SIL1: variants seen among roughly 807,000 people sequenced by gnomAD.
The protein encoded by SIL1 is SIL1 nucleotide exchange factor.
In SIL1, 40 loss-of-function variants were observed where a neutral mutation model predicts 49.1. The observed-to-expected ratio is 0.81, with a 90% CI of 0.63 to 1.06. The LOEUF is 1.06. Among genes scored for constraint, SIL1 ranks in the 50% least tolerant of loss-of-function variants. The pLI, the probability that SIL1 is intolerant of heterozygous loss-of-function variation, is 0.00. For missense variants in SIL1, 500 were observed against 572.6 expected, an observed-to-expected ratio of 0.87 and a Z score of 1.29; for synonymous variants, 253 against 250.8, an observed-to-expected ratio of 1.01 and a Z score of -0.08.
chr5:138,969,264 C>T (rs1767218100), intron 7 of SIL1, among the ~76,000 whole-genome samples: 1 of 152,148 alleles, frequency 6.6e-6, no homozygotes, highest in Non-Finnish European at 1.5e-5. Context: ...TAGGATTAGG[C>T]ACCGCCTGCC....
chr5:138,977,160 A>C (rs2150396621), intron 7 of SIL1, among the ~76,000 whole-genome samples: 1 of 152,338 alleles, frequency 6.6e-6, no homozygotes, highest in South Asian at 2.1e-4. Context: ...GCAATTGAAA[A>C]TCAGGCAGAC....
chr5:139,121,035 C>G lies in SIL1; in HGVS notation c.244G>C (p.Gly82Arg). 6.2e-7 allele frequency: 1 copy of G among 1,614,000 alleles called. No homozygotes were observed. The highest frequency in any genetic ancestry group is 8.5e-7 in the Non-Finnish European group (1 of 1,180,028). Residue 82 changes from glycine to arginine, a missense_variant and splice_region_variant, in exon 3 of 10, where the codon GGG (glycine) becomes CGG (arginine). By Grantham distance (125) the Gly-to-Arg change is moderately radical. Transcript: ENST00000394817. Reference sequence around the variant, plus strand: ...GTGGGGACAGGGCTGGGCCTGATACCTGGCTGAAGGGCCTGCCACTCATGC... The same window carrying G: ...GTGGGGACAGGGCTGGGCCTGATACGTGGCTGAAGGGCCTGCCACTCATGC... Reference protein sequence around the residue: ...PTHEWQALQPGQAVPAGSHVR... With the variant: ...PTHEWQALQPRQAVPAGSHVR...
intron 9 of SIL1, among the ~76,000 whole-genome samples, chr5:138,949,024 G>A (rs770688827): frequency 2.0e-5 from 3 of 152,166 alleles, no homozygotes; most frequent in Non-Finnish European, 2.9e-5. Context: ...ATCCAGTCCC[G>A]GGTATTCTGT....
At position 138,970,402 on chromosome 5, in the gene SIL1, T is replaced by C. The variant is rs1767243884; in HGVS notation, c.768-18518A>G. Reference sequence around the variant, plus strand: ...CATTAGCTATTTGGAAGCAAACAGATCAGTTGGAAGTTGTTTTGTATTAGT... The same window carrying C: ...CATTAGCTATTTGGAAGCAAACAGACCAGTTGGAAGTTGTTTTGTATTAGT... On this transcript the variant is annotated intron_variant, in intron 7 of 9. Coordinates refer to ENST00000394817, the MANE Select transcript of SIL1 (RefSeq NM_022464.5). Among the ~76,000 whole-genome samples the C allele has an allele frequency of 2.0e-5, 3 of 152,292 alleles. 1 individual carries two copies. In the South Asian group the frequency reaches 6.2e-4, roughly 32 times the overall value.
At chr5:139,061,859 T>G (rs1340327780) in intron 3 of SIL1, among the ~76,000 whole-genome samples, 3 of 152,142 alleles carry the variant, frequency 2.0e-5, no homozygotes, top group African/African-American at 7.2e-5. Context: ...CAAGCTCAGC[T>G]CAAGGCACAC....
intron 5 of SIL1, among the ~76,000 whole-genome samples, chr5:139,031,869 G>A (rs1354477908): frequency 6.6e-6 from 1 of 152,010 alleles, no homozygotes; most frequent in Non-Finnish European, 1.5e-5. Flanking sequence ...TCATTTTTAG[G>A]GGAGCAACTG....
At chr5:139,153,363 A>G (rs1335044788) in intron 1 of SIL1, among the ~76,000 whole-genome samples, 2 of 152,174 alleles carry the variant, frequency 1.3e-5, no homozygotes, top group African/African-American at 4.8e-5. Flanking sequence ...TCATAGCATT[A>G]TTATACTTTC....
chr5:139,120,958 G>A, intron 3 of SIL1, 77 bp downstream of exon 3: 2 of 1,571,358 alleles, frequency 1.3e-6, no homozygotes, highest in East Asian at 4.5e-5. Context: ...GCCTGAAGGA[G>A]CAGCCCTCTG....
At position 139,036,452 on chromosome 5, in the gene SIL1, C is replaced by T. The variant is rs116977594; in HGVS notation, c.453+6168G>A. Among the ~76,000 whole-genome samples, 222 of 152,234 alleles carry T rather than the reference C, an allele frequency of 1.5e-3. No individual in the cohort carries two copies. In the East Asian group the frequency reaches 0.04, roughly 27 times the overall value. The stretch of plus-strand genomic sequence containing the variant: ...GTCAGATTTGTCAAAATAGCAAACA[C>T]ATGGAATCAACCTAAATGCCCATCA... On this transcript the variant is annotated intron_variant, in intron 5 of 9. Coordinates refer to ENST00000394817, the MANE Select transcript of SIL1 (RefSeq NM_022464.5).
At chr5:139,182,301 G>C (rs1752004701) in intron 1 of SIL1, among the ~76,000 whole-genome samples, 2 of 152,276 alleles carry the variant, frequency 1.3e-5, no homozygotes, top group African/African-American at 2.4e-5. Context: ...GAATGAGCAG[G>C]GCGAGTCATC....
chr5:138,959,928 C>T (rs952898885), intron 7 of SIL1, among the ~76,000 whole-genome samples: 1 of 152,232 alleles, frequency 6.6e-6, no homozygotes, highest in Middle Eastern at 3.2e-3. Flanking sequence ...TTCTGATGAG[C>T]CAGGGGGTCC....
intron 3 of SIL1, among the ~76,000 whole-genome samples, chr5:139,084,528 G>A (rs1161424411): frequency 7.6e-5 from 8 of 105,752 alleles, no homozygotes; most frequent in South Asian, 3.9e-4. Context: ...GTAAACTATC[G>A]CAAGAACAAA....
intron 3 of SIL1, among the ~76,000 whole-genome samples, chr5:139,084,550 C>T (rs1309663232): frequency 1.9e-4 from 21 of 112,776 alleles, no homozygotes; most frequent in Admixed American, 2.9e-4. Context: ...AACCAAACAC[C>T]GCATATTCTC....
At chr5:139,081,735 C>G (rs1733611992) in intron 3 of SIL1, among the ~76,000 whole-genome samples, 1 of 152,016 alleles carries the variant, frequency 6.6e-6, no homozygotes, top group Admixed American at 6.6e-5. Context: ...AAAAATTGGC[C>G]AGGCACGGTG....
At chr5:139,195,309 TCCTATGTC>T (rs543991131) in intron 1 of SIL1, among the ~76,000 whole-genome samples, 2 of 152,330 alleles carry the variant, frequency 1.3e-5, no homozygotes, top group African/African-American at 4.8e-5. Context: ...TTTATTGCAT[TCCTATGTC>T]CCAAGAGCTT....
At chr5:138,959,692 T>C (rs1020577727) in intron 7 of SIL1, among the ~76,000 whole-genome samples, 42 of 152,356 alleles carry the variant, frequency 2.8e-4, no homozygotes, top group South Asian at 2.1e-3. Context: ...CAATGCTCTA[T>C]GGGACCCTGT....
At chr5:139,014,554 A>G (rs1265773212) in intron 7 of SIL1, among the ~76,000 whole-genome samples, 2 of 152,166 alleles carry the variant, frequency 1.3e-5, no homozygotes, top group Non-Finnish European at 2.9e-5. Flanking sequence ...CACAAAGACA[A>G]ATTCAAGCGA....
At chr5:139,110,556 C>G (rs901080503) in intron 3 of SIL1, among the ~76,000 whole-genome samples, 1 of 152,212 alleles carries the variant, frequency 6.6e-6, no homozygotes, top group Admixed American at 6.5e-5. Flanking sequence ...AAACCAACAA[C>G]TTATGAGTTT....
chr5:138,979,232 T>C (rs1167081126), intron 7 of SIL1, among the ~76,000 whole-genome samples: 1 of 151,890 alleles, frequency 6.6e-6, no homozygotes, highest in Non-Finnish European at 1.5e-5. Context: ...GCCCAGCTAA[T>C]TTCTGTATTT....
Sources: gnomAD v4.1 joint callset for allele counts (sites outside exome capture counted in the v4.1 genomes callset) on GRCh38, gnomAD v4.1.1 for gene constraint, MANE v1.5 for transcripts, NCBI Gene and HGNC (gene_info 2026-07-23, HGNC 2026-07-21) for gene names.